The following GULP1 variants were observed in gnomAD, a reference collection of about 807,000 sequenced individuals.
The protein encoded by GULP1 is GULP PTB domain containing engulfment adaptor 1, also known as PTB domain-containing engulfment adapter protein 1.
In GULP1, 19 loss-of-function variants were observed where a neutral mutation model predicts 40.9. The ratio of observed to expected loss-of-function variants is 0.46; its 90% confidence interval spans 0.32 to 0.68. The LOEUF is 0.68. Ranked by LOEUF, GULP1 falls within the 30% of genes least tolerant of loss-of-function variation. The probability of loss-of-function intolerance (pLI) is 0.03; values close to 1 mark genes in which losing one functional copy is unlikely to be tolerated. For synonymous variants in GULP1, 119 were observed against 117.6 expected (o/e 1.01, Z -0.08); for missense variants, 312 against 362.2 (o/e 0.86, Z 1.12).
chr2:188,422,891 T>A (rs1034963128), intron 2 of GULP1, among the ~76,000 whole-genome samples: 1 of 152,144 alleles, frequency 6.6e-6, no homozygotes, highest in Non-Finnish European at 1.5e-5. Context: ...AGAGGCACCC[T>A]CCTTGTACAG....
At chr2:188,446,700 C>T (rs2058415341) in intron 2 of GULP1, among the ~76,000 whole-genome samples, 1 of 152,104 alleles carries the variant, frequency 6.6e-6, no homozygotes, top group African/African-American at 2.4e-5. Flanking sequence ...GTTTATCAAG[C>T]AGGACTTTAA....
intron 2 of GULP1, among the ~76,000 whole-genome samples, chr2:188,416,714 T>G (rs941327837): frequency 1.3e-5 from 2 of 152,196 alleles, no homozygotes; most frequent in African/African-American, 4.8e-5. Flanking sequence ...TCTGTGATAA[T>G]TTAGAGACAG....
At chr2:188,328,103 C>G (rs73978222) in intron 1 of GULP1, among the ~76,000 whole-genome samples, 81 of 152,124 alleles carry the variant, frequency 5.3e-4, no homozygotes, top group African/African-American at 1.9e-3. Context: ...CCACTTTGAT[C>G]TAGAATTGGA....
chr2:188,298,616 TA>T (rs2035502707), intron 1 of GULP1, among the ~76,000 whole-genome samples: 1 of 152,170 alleles, frequency 6.6e-6, no homozygotes, highest in Non-Finnish European at 1.5e-5. Flanking sequence ...GAAAAACCTT[TA>T]AGCTTCTTAG....
intron 2 of GULP1, among the ~76,000 whole-genome samples, chr2:188,452,271 T>C (rs1420245662): frequency 6.6e-6 from 1 of 152,126 alleles, no homozygotes; most frequent in Non-Finnish European, 1.5e-5. Flanking sequence ...TTTATTTCCA[T>C]AGATGAATCA....
chr2:188,528,680 A>T (rs550070848), intron 5 of GULP1, among the ~76,000 whole-genome samples: 7 of 152,118 alleles, frequency 4.6e-5, no homozygotes, highest in Non-Finnish European at 1.0e-4. Flanking sequence ...GTTCCAAACT[A>T]GGTAAGTATC....
At chr2:188,397,578 A>G (rs2051469925) in intron 2 of GULP1, among the ~76,000 whole-genome samples, 1 of 152,256 alleles carries the variant, frequency 6.6e-6, no homozygotes, top group Admixed American at 6.5e-5. Context: ...TTGTTTAATT[A>G]TCTTCATTGT....
chr2:188,507,378 G>A (rs1323677235), intron 4 of GULP1, among the ~76,000 whole-genome samples: 2 of 145,336 alleles, frequency 1.4e-5, no homozygotes, highest in Non-Finnish European at 3.0e-5. Context: ...CTGGAGCAAA[G>A]AGAATACCAT....
At chr2:188,402,464 C>G in intron 2 of GULP1, among the ~76,000 whole-genome samples, 1 of 151,846 alleles carries the variant, frequency 6.6e-6, no homozygotes, top group East Asian at 1.9e-4. Flanking sequence ...TGAAAAGACT[C>G]TAGTAATAGA....
chr2:188,352,618 T>TCTCACACACACACACACACACACACA (rs578003996), intron 1 of GULP1, among the ~76,000 whole-genome samples: 10 of 134,500 alleles, frequency 7.4e-5, no homozygotes, highest in African/African-American at 2.3e-4. Context: ...TCTCTCTCTC[T>TCTCACACACACACACACACACACACA]CACACACACA....
intron 2 of GULP1, among the ~76,000 whole-genome samples, chr2:188,459,746 A>T (rs1382818457): frequency 1.3e-5 from 2 of 152,036 alleles, no homozygotes; most frequent in East Asian, 3.9e-4. Context: ...TGTTTTCCCT[A>T]ATGTTTTCTT....
At chr2:188,457,966 CTT>C (rs1431106447) in intron 2 of GULP1, among the ~76,000 whole-genome samples, 1 of 152,166 alleles carries the variant, frequency 6.6e-6, no homozygotes, top group Non-Finnish European at 1.5e-5. Flanking sequence ...TGAGATGGCT[CTT>C]TTCTGCCTAA....
chr2:188,352,098 G>A (rs576820028), intron 1 of GULP1, among the ~76,000 whole-genome samples: 6 of 152,110 alleles, frequency 3.9e-5, no homozygotes, highest in South Asian at 4.2e-4. Flanking sequence ...AAATTGCATC[G>A]TCACCTGTAA....
At chr2:188,586,729 T>C (rs1702449881) in intron 10 of GULP1, among the ~76,000 whole-genome samples, 1 of 152,114 alleles carries the variant, frequency 6.6e-6, no homozygotes, top group Non-Finnish European at 1.5e-5. Context: ...CTTGTAAGAA[T>C]TTCACATTTA....
At position 188,493,894 on chromosome 2, in the gene GULP1, T is replaced by G. The variant is rs145209949; in HGVS notation, c.90+10402T>G. 2.6e-4 allele frequency among the ~76,000 whole-genome samples: 40 copies of G among 152,174 alleles called. No individual in the cohort carries two copies. The East Asian group carries it at 7.0e-3, about 27-fold the overall frequency. On this transcript the variant is annotated intron_variant, in intron 4 of 11. Transcript: ENST00000409830. ...TCAGACTCTTCCTACTGGCCCCTGG[T>G]AGAGTCAGATTTACATGACAACTCT...
intron 7 of GULP1, among the ~76,000 whole-genome samples, chr2:188,546,441 A>G (rs1295180379): frequency 6.6e-6 from 1 of 152,086 alleles, no homozygotes; most frequent in Non-Finnish European, 1.5e-5. Flanking sequence ...AAGCTAGGAA[A>G]TGAAACATCA....
intron 1 of GULP1, among the ~76,000 whole-genome samples, chr2:188,358,651 A>G (rs2045686739): frequency 6.6e-6 from 1 of 152,162 alleles, no homozygotes; most frequent in South Asian, 2.1e-4. Context: ...AAAAACTCTG[A>G]TAAGTATAAA....
chr2:188,316,269 A>C (rs2039068373), intron 1 of GULP1, among the ~76,000 whole-genome samples: 1 of 152,170 alleles, frequency 6.6e-6, no homozygotes. Context: ...AATATATTTG[A>C]AGAATTACAG....
At chr2:188,427,642 C>T (rs937509398) in intron 2 of GULP1, among the ~76,000 whole-genome samples, 28 of 152,364 alleles carry the variant, frequency 1.8e-4, no homozygotes, top group African/African-American at 6.7e-4. Flanking sequence ...GATGTTAAAC[C>T]AGCAGGTATA....
Sources: allele counts gnomAD v4.1 joint callset (sites outside exome capture counted in the v4.1 genomes callset), GRCh38; gene constraint gnomAD v4.1.1; transcripts MANE v1.5; gene names NCBI Gene and HGNC (gene_info 2026-07-23, HGNC 2026-07-21).